PLCB4: variants seen among roughly 807,000 people sequenced by gnomAD.
PLCB4 encodes the protein 1-phosphatidylinositol 4,5-bisphosphate phosphodiesterase beta-4.
In PLCB4, 77 loss-of-function variants were observed where a neutral mutation model predicts 178.8. The observed-to-expected ratio is 0.43, with a 90% CI of 0.36 to 0.52. PLCB4 has a LOEUF of 0.52. Ranked by LOEUF, PLCB4 falls within the 20% of genes least tolerant of loss-of-function variation. The pLI is 0.00. For missense variants in PLCB4, 1,024 were observed against 1,453.4 expected (o/e 0.70, Z 4.80); for synonymous variants, 496 against 490.8 (o/e 1.01, Z -0.14).
intron 7 of PLCB4, among the ~76,000 whole-genome samples, chr20:9,360,129 G>A (rs2035194079): frequency 6.6e-6 from 1 of 152,156 alleles, no homozygotes; most frequent in Non-Finnish European, 1.5e-5. Context: ...CCCTGCACCA[G>A]CTGCTCTGTG....
chr20:9,101,164 A>T (rs1438039617), intron 2 of PLCB4, among the ~76,000 whole-genome samples: 2 of 152,102 alleles, frequency 1.3e-5, no homozygotes. Flanking sequence ...AACCAGAGAG[A>T]CTGGTGGAAC....
At chr20:9,267,254 G>A (rs372246690) in intron 3 of PLCB4, among the ~76,000 whole-genome samples, 19 of 152,142 alleles carry the variant, frequency 1.2e-4, no homozygotes, top group African/African-American at 4.3e-4. Flanking sequence ...CAACCATTTT[G>A]TCAACTAGGA....
chr20:9,199,693 T>C (rs548685224), intron 2 of PLCB4, among the ~76,000 whole-genome samples: 1 of 152,352 alleles, frequency 6.6e-6, no homozygotes, highest in East Asian at 1.9e-4. Flanking sequence ...GTTTTGATCT[T>C]AACAGCATCC....
chr20:9,205,334 T>C (rs6077505), intron 2 of PLCB4, among the ~76,000 whole-genome samples: 61,575 of 152,100 alleles, frequency 0.4, 12,542 homozygotes, highest in South Asian at 0.5. Flanking sequence ...GTGTTTGGCA[T>C]GTTAGGTATG....
chr20:9,306,812 T>G (rs1165029448), intron 3 of PLCB4, among the ~76,000 whole-genome samples: 1 of 152,214 alleles, frequency 6.6e-6, no homozygotes. Context: ...GAGTTCTTCC[T>G]AGTTGCAGGG....
intron 2 of PLCB4, among the ~76,000 whole-genome samples, chr20:9,204,143 CAAATT>C (rs890378019): frequency 2.6e-5 from 4 of 151,652 alleles, no homozygotes; most frequent in African/African-American, 7.3e-5. Context: ...GAAAAAAAAA[CAAATT>C]AAAAAGATTC....
At chr20:9,297,568 AT>A (rs2094652971) in intron 3 of PLCB4, among the ~76,000 whole-genome samples, 1 of 152,142 alleles carries the variant, frequency 6.6e-6, no homozygotes, top group Admixed American at 6.6e-5. Context: ...AAAGATCAAA[AT>A]ACTGTTAAGC....
intron 7 of PLCB4, among the ~76,000 whole-genome samples, chr20:9,344,320 C>A (rs1268758580): frequency 6.6e-6 from 1 of 152,216 alleles, no homozygotes; most frequent in African/African-American, 2.4e-5. Flanking sequence ...CCCCATTTCA[C>A]CAGCCTTCGG....
chr20:9,187,390 T>A (rs1181432733), intron 2 of PLCB4, among the ~76,000 whole-genome samples: 2 of 152,182 alleles, frequency 1.3e-5, no homozygotes, highest in African/African-American at 4.8e-5. Flanking sequence ...AGGACCCTAA[T>A]GACACTGTCT....
chr20:9,472,566 A>G (rs1477391161), intron 36 of PLCB4, among the ~76,000 whole-genome samples: 1 of 152,252 alleles, frequency 6.6e-6, no homozygotes, highest in Non-Finnish European at 1.5e-5. Flanking sequence ...TGAGATAAAC[A>G]TGGCAAAACA....
intron 3 of PLCB4, among the ~76,000 whole-genome samples, chr20:9,297,215 A>G (rs757001930): frequency 6.6e-6 from 1 of 151,834 alleles, no homozygotes; most frequent in African/African-American, 2.4e-5. Flanking sequence ...CTTGCATGCT[A>G]TCAAAAAAAT....
At chr20:9,094,036 A>C (rs2090797986) in intron 1 of PLCB4, among the ~76,000 whole-genome samples, 1 of 152,170 alleles carries the variant, frequency 6.6e-6, no homozygotes, top group Non-Finnish European at 1.5e-5. Context: ...CCATGAATAA[A>C]GGATTTTTAA....
intron 34 of PLCB4, among the ~76,000 whole-genome samples, chr20:9,458,146 T>G (rs894887009): frequency 6.6e-6 from 1 of 151,782 alleles, no homozygotes; most frequent in Non-Finnish European, 1.5e-5. Context: ...CTCCCAAAAA[T>G]AGCTGTGGTT....
chr20:9,125,117 A>G (rs2092077368), intron 2 of PLCB4, among the ~76,000 whole-genome samples: 1 of 152,138 alleles, frequency 6.6e-6, no homozygotes, highest in African/African-American at 2.4e-5. Context: ...CTTGATGGCA[A>G]TTCTGCTTTC....
intron 32 of PLCB4, among the ~76,000 whole-genome samples, chr20:9,452,737 C>G (rs555133629): frequency 1.3e-5 from 2 of 152,148 alleles, no homozygotes; most frequent in South Asian, 4.1e-4. Flanking sequence ...AGCTCCTGAA[C>G]ACTTTATCCT....
intron 36 of PLCB4, among the ~76,000 whole-genome samples, chr20:9,470,064 C>T (rs2044078575): frequency 6.6e-6 from 1 of 152,180 alleles, no homozygotes; most frequent in Admixed American, 6.5e-5. Context: ...TGCAGTGGCT[C>T]ACACCTGTAA....
intron 1 of PLCB4, among the ~76,000 whole-genome samples, chr20:9,076,685 C>G (rs1013266506): frequency 6.6e-6 from 1 of 152,162 alleles, no homozygotes. Context: ...GTCCGCTTAA[C>G]AGCCCTCATT....
At position 9,364,406 on chromosome 20, in the gene PLCB4, ACCTGT is replaced by A; in HGVS notation, c.450-1052_450-1048del. On this transcript the variant is annotated intron_variant, in intron 8 of 39. Transcript: ENST00000378473. ...GAGAATGGGCTCACCAAGGGCTCAG[ACCTGT>A]CCACTTCTTCAGAGCATTGCCCTCT... Among the ~76,000 whole-genome samples, 3 of 152,306 alleles carry A rather than the reference ACCTGT, an allele frequency of 2.0e-5. No individual in the cohort carries two copies. In the South Asian group the frequency reaches 6.2e-4, roughly 32 times the overall value.
chr20:9,321,300 T>A (rs1437618792), intron 4 of PLCB4, among the ~76,000 whole-genome samples: 4 of 152,318 alleles, frequency 2.6e-5, no homozygotes, highest in Non-Finnish European at 5.9e-5. Flanking sequence ...CCAGAACTAA[T>A]GTATTGCTAA....
Sources: gnomAD v4.1 joint callset for allele counts (sites outside exome capture counted in the v4.1 genomes callset) on GRCh38, gnomAD v4.1.1 for gene constraint, MANE v1.5 for transcripts, NCBI Gene and HGNC (gene_info 2026-07-23, HGNC 2026-07-21) for gene names.